The following ERC2 variants were observed in gnomAD, a reference collection of about 807,000 sequenced individuals.
ERC2 encodes ERC protein 2.
Under a neutral mutation model 114.8 loss-of-function variants are expected in ERC2, and 42 were observed. The observed-to-expected ratio is 0.37, with a 90% CI of 0.29 to 0.47. ERC2 has a LOEUF of 0.47. Ranked by LOEUF, ERC2 falls within the 20% of genes least tolerant of loss-of-function variation. The probability of loss-of-function intolerance (pLI) is 0.99; values close to 1 mark genes in which losing one functional copy is unlikely to be tolerated. For missense variants in ERC2, 939 were observed against 1,150.7 expected (o/e 0.82, Z 2.66); for synonymous variants, 454 against 425.5 (o/e 1.07, Z -0.82).
chr3:55,731,913 G>A (rs1427797646), intron 15 of ERC2, among the ~76,000 whole-genome samples: 3 of 152,122 alleles, frequency 2.0e-5, no homozygotes, highest in Non-Finnish European at 2.9e-5. Context: ...ATTCTTAAAT[G>A]GTTTTTTTGG....
At chr3:56,079,347 C>T (rs1308042444) in intron 7 of ERC2, among the ~76,000 whole-genome samples, 2 of 152,060 alleles carry the variant, frequency 1.3e-5, no homozygotes, top group African/African-American at 4.8e-5. Flanking sequence ...ACAAGTGGCT[C>T]GTGACTACCA....
At position 55,531,523 on chromosome 3, in the gene ERC2, A is replaced by C. The variant is rs567766796; in HGVS notation, c.*40-20247T>G. Among the ~76,000 whole-genome samples, 114 of 152,238 alleles carry C rather than the reference A, an allele frequency of 7.5e-4. 2 individuals carry two copies. The South Asian group carries it at 0.011, about 14-fold the overall frequency. ...CCATTTTTCATGCTAATGACTCCTG[A>C]CTTCCTGCTAGCAGAATGTCAGAGC... is the stretch of plus-strand genomic sequence containing the variant. On this transcript the variant is annotated intron_variant, in intron 17 of 17. Transcript: ENST00000288221.
At chr3:56,299,096 G>GT (rs201679966) in intron 2 of ERC2, among the ~76,000 whole-genome samples, 113 of 141,674 alleles carry the variant, frequency 8.0e-4, no homozygotes, top group Middle Eastern at 3.6e-3. Context: ...TAGGTAGATA[G>GT]TTTTTTTTTG....
chr3:55,574,473 G>A (rs114799337), intron 17 of ERC2, among the ~76,000 whole-genome samples: 4,248 of 152,152 alleles, frequency 0.028, 74 homozygotes, highest in Non-Finnish European at 0.04. Flanking sequence ...GAGGAAGGAC[G>A]TGCCCTATGA....
intron 13 of ERC2, among the ~76,000 whole-genome samples, chr3:55,932,403 AT>A (rs1163949270): frequency 6.6e-6 from 1 of 152,162 alleles, no homozygotes; most frequent in African/African-American, 2.4e-5. Flanking sequence ...ATCAAATTTA[AT>A]CTTTATAACA....
At chr3:56,202,837 T>C (rs2048484233) in intron 3 of ERC2, among the ~76,000 whole-genome samples, 1 of 152,184 alleles carries the variant, frequency 6.6e-6, no homozygotes, top group Admixed American at 6.5e-5. Flanking sequence ...CAGTTAATGA[T>C]AATCACATAC....
At chr3:55,552,578 G>A (rs1177818366) in intron 17 of ERC2, among the ~76,000 whole-genome samples, 1 of 150,758 alleles carries the variant, frequency 6.6e-6, no homozygotes, top group African/African-American at 2.4e-5. Context: ...TTCATTATAT[G>A]ACTTTGTTCT....
chr3:55,548,465 A>G (rs184808310), intron 17 of ERC2, among the ~76,000 whole-genome samples: 1 of 152,136 alleles, frequency 6.6e-6, no homozygotes, highest in Admixed American at 6.5e-5. Context: ...CTACACAGTT[A>G]CTCTTAATTT....
At chr3:55,613,968 G>A (rs1274121848) in intron 17 of ERC2, among the ~76,000 whole-genome samples, 1 of 111,824 alleles carries the variant, frequency 8.9e-6, no homozygotes, top group African/African-American at 3.6e-5. Flanking sequence ...GGGAGACAGA[G>A]TGAGACTTCC....
At chr3:56,258,567 T>C (rs1462695598) in intron 3 of ERC2, among the ~76,000 whole-genome samples, 1 of 152,166 alleles carries the variant, frequency 6.6e-6, no homozygotes, top group Non-Finnish European at 1.5e-5. Context: ...GGTAGGAGAA[T>C]GGCGTGAACC....
intron 17 of ERC2, among the ~76,000 whole-genome samples, chr3:55,675,899 CTTTCTTTTTTTTTTTTTT>C (rs2061774396): frequency 3.4e-5 from 2 of 58,122 alleles, no homozygotes; most frequent in African/African-American, 7.0e-5. Context: ...TTTCTCTTTT[CTTTCTTTTTTTTTTTTTT>C]TTTTTTTTTT....
intron 17 of ERC2, among the ~76,000 whole-genome samples, chr3:55,677,339 C>G (rs2061858548): frequency 6.6e-6 from 1 of 151,766 alleles, no homozygotes; most frequent in African/African-American, 2.4e-5. Context: ...GTAAGGCCTG[C>G]TATGTAGGTG....
chr3:55,555,047 G>C (rs2055503189), intron 17 of ERC2, among the ~76,000 whole-genome samples: 1 of 152,102 alleles, frequency 6.6e-6, no homozygotes, highest in Non-Finnish European at 1.5e-5. Context: ...CAGCCACCTT[G>C]GGGAAGTCAG....
chr3:56,026,223 T>C (rs2074043472), intron 7 of ERC2, among the ~76,000 whole-genome samples: 1 of 152,114 alleles, frequency 6.6e-6, no homozygotes, highest in Non-Finnish European at 1.5e-5. Flanking sequence ...CTAATTTTTG[T>C]ATTTTTAGTA....
At chr3:56,442,549 T>C (rs535187004) in intron 1 of ERC2, among the ~76,000 whole-genome samples, 1 of 152,266 alleles carries the variant, frequency 6.6e-6, no homozygotes, top group South Asian at 2.1e-4. Context: ...ACCAACATTG[T>C]GCTACTCCAG....
At chr3:55,945,273 T>C (rs1229015705) in intron 13 of ERC2, among the ~76,000 whole-genome samples, 1 of 152,338 alleles carries the variant, frequency 6.6e-6, no homozygotes, top group African/African-American at 2.4e-5. Context: ...TAAACTCATT[T>C]TGACAATGAT....
chr3:56,027,137 T>C (rs948211238), intron 7 of ERC2, among the ~76,000 whole-genome samples: 8 of 152,256 alleles, frequency 5.3e-5, no homozygotes, highest in African/African-American at 1.9e-4. Context: ...TTGTTATAGT[T>C]ATCAACAACT....
At chr3:55,921,343 G>GGCA (rs2065417314) in intron 13 of ERC2, among the ~76,000 whole-genome samples, 1 of 151,938 alleles carries the variant, frequency 6.6e-6, no homozygotes, top group Admixed American at 6.6e-5. Flanking sequence ...GGGAAGAGGG[G>GGCA]GCAGGGTCCG....
intron 4 of ERC2, among the ~76,000 whole-genome samples, chr3:56,149,344 A>G (rs1304246000): frequency 2.0e-5 from 3 of 152,190 alleles, no homozygotes; most frequent in African/African-American, 4.8e-5. Context: ...CCATGTGTCA[A>G]TACAATACAG....
Sources: gnomAD v4.1 joint callset for allele counts (sites outside exome capture counted in the v4.1 genomes callset) on GRCh38, gnomAD v4.1.1 for gene constraint, MANE v1.5 for transcripts, NCBI Gene and HGNC (gene_info 2026-07-23, HGNC 2026-07-21) for gene names.